Variants in TSC22D1 observed in about 807,000 individuals in gnomAD.
TSC22D1 encodes TSC22 domain family protein 1.
In TSC22D1, 9 loss-of-function variants were observed where a neutral mutation model predicts 74.2. The ratio of observed to expected loss-of-function variants is 0.12; its 90% CI spans 0.07 to 0.21. The LOEUF is 0.21. Ranked by LOEUF, TSC22D1 falls within the 10% of genes least tolerant of loss-of-function variation. The pLI is 1.00. For missense variants in TSC22D1, 1,427 were observed against 1,304.7 expected, an observed-to-expected ratio of 1.09 and a Z score of -1.44; for synonymous variants, 586 against 492.5, an observed-to-expected ratio of 1.19 and a Z score of -2.51.
At position 44,490,043 on chromosome 13, in the gene TSC22D1, A is replaced by C. The variant is rs74466509; in HGVS notation, c.2913-53948T>G. ...TTCCATTCCTACAAATATCCCCAAC[A>C]GAGATGCAAAGGTGTACTAGCCCCC... On this transcript the variant is annotated intron_variant, in intron 1 of 2. Coordinates refer to ENST00000458659, the MANE Select transcript of TSC22D1 (RefSeq NM_183422.4). Among the ~76,000 whole-genome samples the C allele has an allele frequency of 5.1e-3, 784 of 152,342 alleles. 6 individuals are homozygous for C. The highest frequency in any genetic ancestry group is 0.018 in the African/African-American group (743 of 41,574).
intron 1 of TSC22D1, among the ~76,000 whole-genome samples, chr13:44,545,836 G>A (rs914695242): frequency 1.3e-5 from 2 of 152,026 alleles, no homozygotes; most frequent in Admixed American, 6.6e-5. Context: ...AATTAGCCAG[G>A]TGTGATGGTG....
At chr13:44,444,194 G>A (rs1048512243) in intron 1 of TSC22D1, among the ~76,000 whole-genome samples, 2 of 139,130 alleles carry the variant, frequency 1.4e-5, no homozygotes, top group Non-Finnish European at 3.0e-5. Flanking sequence ...CAGGAGAATC[G>A]CTTGAACCTG....
chr13:44,532,674 C>G (rs1880916108), intron 1 of TSC22D1, among the ~76,000 whole-genome samples: 1 of 152,012 alleles, frequency 6.6e-6, no homozygotes, highest in Non-Finnish European at 1.5e-5. Context: ...CGGGGTTTCA[C>G]CGTGTTAGCC....
At chr13:44,544,920 A>G (rs1423725937) in intron 1 of TSC22D1, among the ~76,000 whole-genome samples, 1 of 152,240 alleles carries the variant, frequency 6.6e-6, no homozygotes, top group Non-Finnish European at 1.5e-5. Flanking sequence ...TATATATTTT[A>G]GAGTAGTTAA....
chr13:44,525,432 A>C (rs1487155215), intron 1 of TSC22D1, among the ~76,000 whole-genome samples: 1 of 152,082 alleles, frequency 6.6e-6, no homozygotes, highest in Non-Finnish European at 1.5e-5. Context: ...CAAAAATCAA[A>C]AGATAAATTA....
chr13:44,460,041 C>CCTA (rs1474849881), intron 1 of TSC22D1, among the ~76,000 whole-genome samples: 1 of 152,170 alleles, frequency 6.6e-6, no homozygotes, highest in East Asian at 1.9e-4. Context: ...AGCAAAGGTA[C>CCTA]CCCCAGCCAC....
intron 1 of TSC22D1, among the ~76,000 whole-genome samples, chr13:44,570,192 T>A (rs1009148299): frequency 4.6e-5 from 7 of 151,134 alleles, no homozygotes; most frequent in South Asian, 2.1e-4. Flanking sequence ...TTAAGACTTT[T>A]TTTTTTTTTT....
intron 1 of TSC22D1, among the ~76,000 whole-genome samples, chr13:44,458,514 C>G (rs748800671): frequency 4.5e-4 from 69 of 152,278 alleles, no homozygotes; most frequent in Admixed American, 2.4e-3. Context: ...AGAGAGACAG[C>G]AAGGGCCAGG....
intron 2 of TSC22D1, among the ~76,000 whole-genome samples, chr13:44,435,450 CAGAGAATCCCGTGAGAAG>C (rs1418258490): frequency 6.6e-6 from 1 of 152,216 alleles, no homozygotes; most frequent in Non-Finnish European, 1.5e-5. Context: ...CAACAGTGGG[CAGAGAATCCCGTGAGAAG>C]AGCCACAGGC....
In TSC22D1 at chr13:44,432,310, C is replaced by T; in HGVS notation, c.*2316G>A. 6.6e-6 allele frequency: 1 copy of T among 152,106 alleles called. No individual in the cohort carries two copies. The highest frequency in any genetic ancestry group is 1.9e-4 in the East Asian group (1 of 5,198). The allele number at this position is 152,106 out of a possible 1,614,324, so 9.4% of individuals were successfully genotyped here. ...CTGACATGAGATTTTTCAAATTTTCCACGATTACCACCTATGGTATTTTAA... is the reference window on the plus strand; with the variant it reads ...CTGACATGAGATTTTTCAAATTTTCTACGATTACCACCTATGGTATTTTAA... On this transcript the variant is annotated 3_prime_UTR_variant, in exon 3 of 3. Coordinates refer to ENST00000458659, the MANE Select transcript of TSC22D1 (RefSeq NM_183422.4).
rs551464734 is a variant in TSC22D1 at position 44,434,450 on chromosome 13, A to T, written c.*176T>A. ...ATTCACCCAACTAAGAAATTTCTCCAAGCCATAAGCATATGAGTGTTTAAT... is the reference window on the plus strand; with the variant it reads ...ATTCACCCAACTAAGAAATTTCTCCTAGCCATAAGCATATGAGTGTTTAAT... On this transcript the variant is annotated 3_prime_UTR_variant, in exon 3 of 3. Coordinates refer to ENST00000458659, the MANE Select transcript of TSC22D1 (RefSeq NM_183422.4). 1.5e-5 allele frequency: 21 copies of T among 1,360,026 alleles called. No individual in the cohort carries two copies. In the Admixed American group the frequency reaches 2.9e-4, roughly 19 times the overall value. 84.2% of individuals were successfully genotyped at this position (1,360,026 alleles called of 1,614,324 possible).
At chr13:44,455,864 AAG>A (rs1490420504) in intron 1 of TSC22D1, among the ~76,000 whole-genome samples, 1 of 152,244 alleles carries the variant, frequency 6.6e-6, no homozygotes, top group Admixed American at 6.5e-5. Flanking sequence ...GTAAATATAA[AAG>A]AGACGTCAAT....
chr13:44,520,717 TTA>T (rs1187327040), intron 1 of TSC22D1, among the ~76,000 whole-genome samples: 1 of 152,038 alleles, frequency 6.6e-6, no homozygotes, highest in African/African-American at 2.4e-5. Flanking sequence ...CATGTCAGAT[TTA>T]TGTTTGGTAT....
chr13:44,436,900 C>G (rs1455105877), intron 1 of TSC22D1: 1 of 1,104,526 alleles, frequency 9.1e-7, no homozygotes, highest in African/African-American at 1.6e-5. Context: ...CAGGAAAGAG[C>G]TGCGCCGATT....
At chr13:44,435,933 C>G in intron 2 of TSC22D1, 111 bp downstream of exon 2, 1 of 1,134,554 alleles carries the variant, frequency 8.8e-7, no homozygotes, top group South Asian at 1.3e-5. Flanking sequence ...TTTCTACGCG[C>G]ATCAAGAGCA....
rs151168467 is a variant in TSC22D1, at chr13:44,542,496, C to T, written c.2912+30667G>A. Among the ~76,000 whole-genome samples, 206 of 152,060 alleles carry T rather than the reference C, an allele frequency of 1.4e-3. 2 individuals are homozygous for T. The highest frequency in any genetic ancestry group is 4.7e-3 in the African/African-American group (194 of 41,498). ...ACTTAGATTTAAAAAACCAAATGTC[C>T]GAAGGTTAAGTTACACAACAAGTTA... On this transcript the variant is annotated intron_variant, in intron 1 of 2. Transcript: ENST00000458659.
At position 44,437,322 on chromosome 13, in the gene TSC22D1, A is replaced by C. The variant is rs113651765; in HGVS notation, c.2913-1227T>G. ...GACTTCGAGTGTCTTGATTTCAATT[A>C]TCTAGTTCTTACCGGCAGCGGTACT... On this transcript the variant is annotated intron_variant, in intron 1 of 2. Transcript: ENST00000458659. 3.6e-4 allele frequency: 339 copies of C among 934,688 alleles called. 2 individuals carry two copies. The African/African-American group carries it at 5.5e-3, about 15-fold the overall frequency. The allele number at this position is 934,688 out of a possible 1,614,324, so 57.9% of individuals were successfully genotyped here. A position where few individuals can be genotyped will look rare whatever the true frequency, so the allele number is the denominator to read the frequency against.
rs374006852 is a variant in TSC22D1 at position 44,540,882 on chromosome 13, T to C, written c.2912+32281A>G. 5.9e-4 allele frequency among the ~76,000 whole-genome samples: 90 copies of C among 152,238 alleles called. 1 individual carries two copies. In the South Asian group the frequency reaches 0.017, roughly 29 times the overall value. On this transcript the variant is annotated intron_variant, in intron 1 of 2. Transcript: ENST00000458659. Reference sequence around the variant, plus strand: ...AACAGTGTTGCCTTTGGAAAACAGATCAATTATGCTTTGTGGTACAGAGTA... The same window carrying C: ...AACAGTGTTGCCTTTGGAAAACAGACCAATTATGCTTTGTGGTACAGAGTA...
chr13:44,474,854 GA>G (rs1443563596), intron 1 of TSC22D1, among the ~76,000 whole-genome samples: 1 of 152,102 alleles, frequency 6.6e-6, no homozygotes, highest in Non-Finnish European at 1.5e-5. Flanking sequence ...AGAAGCCTCA[GA>G]AATGTAGAAA....
Sources: allele counts gnomAD v4.1 joint callset (sites outside exome capture counted in the v4.1 genomes callset), GRCh38; gene constraint gnomAD v4.1.1; transcripts MANE v1.5; gene names NCBI Gene and HGNC (gene_info 2026-07-23, HGNC 2026-07-21).